PLEKHA7: variants seen among roughly 807,000 people sequenced by gnomAD.
PLEKHA7 encodes pleckstrin homology domain-containing family A member 7.
PLEKHA7 carries 104 observed loss-of-function variants against 170.0 expected under a neutral mutation model. The observed-to-expected ratio is 0.61, with a 90% confidence interval of 0.52 to 0.72. The LOEUF (loss-of-function observed/expected upper bound fraction) is 0.72. PLEKHA7 is among the 30% of genes least tolerant of loss of function. The probability of loss-of-function intolerance (pLI) is 0.00; values close to 1 mark genes in which losing one functional copy is unlikely to be tolerated. For synonymous variants in PLEKHA7, 648 were observed against 660.8 expected (o/e 0.98, Z 0.30); for missense variants, 1,615 against 1,671.7 (o/e 0.97, Z 0.59).
At position 16,904,049 on chromosome 11, in the gene PLEKHA7, A is replaced by G. The variant is rs140409763; in HGVS notation, c.222-32867T>C. ...AGATCTTTCACAGCCAAAATTGTAGAACCCTCTCAAAAACCTTCAAGCTAT... is the reference window on the plus strand; with the variant it reads ...AGATCTTTCACAGCCAAAATTGTAGGACCCTCTCAAAAACCTTCAAGCTAT... On this transcript the variant is annotated intron_variant, in intron 3 of 26. Transcript: ENST00000531066. 6.5e-3 allele frequency among the ~76,000 whole-genome samples: 992 copies of G among 152,360 alleles called. 4 individuals carry two copies. The highest frequency in any genetic ancestry group is 0.011 in the Non-Finnish European group (750 of 68,038).
chr11:16,979,981 C>A (rs573987359), intron 3 of PLEKHA7, among the ~76,000 whole-genome samples: 2 of 152,174 alleles, frequency 1.3e-5, no homozygotes, highest in Non-Finnish European at 1.5e-5. Flanking sequence ...GGCTGAGAAG[C>A]AAGGGGTCCT....
intron 3 of PLEKHA7, among the ~76,000 whole-genome samples, chr11:16,943,186 A>T (rs1860802982): frequency 6.6e-6 from 1 of 152,236 alleles, no homozygotes; most frequent in Non-Finnish European, 1.5e-5. Flanking sequence ...CAATTTTCAT[A>T]ATATATTTTA....
intron 3 of PLEKHA7, among the ~76,000 whole-genome samples, chr11:16,900,793 G>A (rs1280099486): frequency 1.3e-5 from 2 of 151,740 alleles, no homozygotes; most frequent in Non-Finnish European, 2.9e-5. Flanking sequence ...CTTTTTTCTA[G>A]GACAGAAAAT....
At chr11:16,902,393 C>CTCATATG (rs1857397612) in intron 3 of PLEKHA7, among the ~76,000 whole-genome samples, 1 of 152,196 alleles carries the variant, frequency 6.6e-6, no homozygotes, top group Admixed American at 6.5e-5. Flanking sequence ...GGTAACTTTA[C>CTCATATG]GTTTAACCTT....
At chr11:16,968,159 C>G (rs991407588) in intron 3 of PLEKHA7, among the ~76,000 whole-genome samples, 1 of 152,168 alleles carries the variant, frequency 6.6e-6, no homozygotes, top group African/African-American at 2.4e-5. Flanking sequence ...AGGACAGTTG[C>G]CAAGATCCTG....
chr11:16,807,101 A>G, intron 13 of PLEKHA7: 1 of 925,762 alleles, frequency 1.1e-6, no homozygotes, highest in Non-Finnish European at 1.3e-6. Flanking sequence ...AGCCAGAAGC[A>G]ATGGAATGAC....
chr11:16,939,408 T>C (rs990422410), intron 3 of PLEKHA7, among the ~76,000 whole-genome samples: 1 of 151,948 alleles, frequency 6.6e-6, no homozygotes, highest in African/African-American at 2.4e-5. Context: ...AGCAAGGCTC[T>C]GTTATCTAAA....
At chr11:16,987,031 G>A (rs545200890) in intron 3 of PLEKHA7, among the ~76,000 whole-genome samples, 1 of 152,300 alleles carries the variant, frequency 6.6e-6, no homozygotes, top group South Asian at 2.1e-4. Flanking sequence ...AGGAAGCAGT[G>A]AGCTGTTTTA....
intron 3 of PLEKHA7, among the ~76,000 whole-genome samples, chr11:16,968,247 T>A (rs1407085559): frequency 6.6e-6 from 1 of 152,046 alleles, no homozygotes; most frequent in East Asian, 1.9e-4. Flanking sequence ...TCTGCCTCCC[T>A]CTCCTCCCAA....
intron 9 of PLEKHA7, among the ~76,000 whole-genome samples, chr11:16,832,448 G>A (rs922296751): frequency 6.6e-6 from 1 of 152,106 alleles, no homozygotes; most frequent in South Asian, 2.1e-4. Flanking sequence ...TCAGACTGGC[G>A]ATACTTCTCT....
intron 3 of PLEKHA7, among the ~76,000 whole-genome samples, chr11:16,889,400 C>CAAAAAAAAAAAA (rs869268116): frequency 1.9e-4 from 10 of 52,736 alleles, no homozygotes; most frequent in Non-Finnish European, 2.6e-4. Context: ...CTTTATTGCT[C>CAAAAAAAAAAAA]AAAAAAAAAA....
Position 16,855,777 on chromosome 11 carries a change from G to C in PLEKHA7, c.417+26C>G, listed in dbSNP as rs148024827. ...TTGGCAAAATATAAAAGAAGGGAAG[G>C]AAGGAACAAGTGGCCAGGAGCTCAC... On this transcript the variant is annotated intron_variant, in intron 5 of 26. Coordinates refer to ENST00000531066, the MANE Select transcript of PLEKHA7 (RefSeq NM_001329630.2). 5.5e-4 allele frequency: 838 copies of C among 1,515,332 alleles called. 1 individual carries two copies. The highest frequency in any genetic ancestry group is 2.4e-3 in the African/African-American group (171 of 72,128). The allele number at this position is 1,515,332 out of a possible 1,614,324, so 93.9% of individuals were successfully genotyped here.
chr11:16,833,781 A>G (rs1851301879), intron 9 of PLEKHA7, among the ~76,000 whole-genome samples: 1 of 152,218 alleles, frequency 6.6e-6, no homozygotes, highest in South Asian at 2.1e-4. Flanking sequence ...AGCGGCAGCC[A>G]TCACTGACTG....
chr11:16,856,052 C>A, intron 4 of PLEKHA7, 138 bp from the exon 5 acceptor site: 1 of 696,374 alleles, frequency 1.4e-6, no homozygotes, highest in East Asian at 2.6e-5. Flanking sequence ...TGCCTGACTC[C>A]AGACTGCAGC....
At chr11:16,886,472 A>G (rs904322350) in intron 3 of PLEKHA7, among the ~76,000 whole-genome samples, 1 of 152,248 alleles carries the variant, frequency 6.6e-6, no homozygotes, top group African/African-American at 2.4e-5. Context: ...GCACTTTGGG[A>G]GGCTGAGGCA....
chr11:16,943,687 C>G lies in PLEKHA7; in HGVS notation c.221+70302G>C, dbSNP rs577499684. On this transcript the variant is annotated intron_variant, in intron 3 of 26. Coordinates refer to ENST00000531066, the MANE Select transcript of PLEKHA7 (RefSeq NM_001329630.2). The stretch of plus-strand genomic sequence containing the variant: ...GAGTATTGATAATCCCTTACATTTA[C>G]AGAGTCCACACAGAGATGGGTACTC... Among the ~76,000 whole-genome samples, 27 of 152,306 alleles carry G rather than the reference C, an allele frequency of 1.8e-4. 1 individual carries two copies. In the South Asian group the frequency reaches 5.4e-3, roughly 30 times the overall value.
intron 3 of PLEKHA7, among the ~76,000 whole-genome samples, chr11:16,998,059 C>G (rs545663057): frequency 6.6e-6 from 1 of 152,202 alleles, no homozygotes; most frequent in Non-Finnish European, 1.5e-5. Flanking sequence ...TCAGTTTCCC[C>G]ATCTGTAAAA....
In PLEKHA7 at chr11:16,879,092, A is replaced by G. The variant is rs555249507; in HGVS notation, c.222-7910T>C. 3.9e-5 allele frequency among the ~76,000 whole-genome samples: 6 copies of G among 152,338 alleles called. No homozygotes were observed. The South Asian group carries it at 1.2e-3, about 32-fold the overall frequency. Reference sequence around the variant, plus strand: ...GATTAAAAACACACAGAAGGATAATATAAACATCACCTGTATCTCCTTTGC... The same window carrying G: ...GATTAAAAACACACAGAAGGATAATGTAAACATCACCTGTATCTCCTTTGC... On this transcript the variant is annotated intron_variant, in intron 3 of 26. Coordinates refer to ENST00000531066, the MANE Select transcript of PLEKHA7 (RefSeq NM_001329630.2).
chr11:16,882,906 C>T (rs949032856), intron 3 of PLEKHA7, among the ~76,000 whole-genome samples: 1 of 151,628 alleles, frequency 6.6e-6, no homozygotes. Context: ...GAGTGGGTGT[C>T]GTCATAGAAA....
Sources: allele counts gnomAD v4.1 joint callset (sites outside exome capture counted in the v4.1 genomes callset), GRCh38; gene constraint gnomAD v4.1.1; transcripts MANE v1.5; gene names NCBI Gene and HGNC (gene_info 2026-07-23, HGNC 2026-07-21).